Variants in MACROD2 observed in about 807,000 individuals in gnomAD.
The protein encoded by MACROD2 is ADP-ribose glycohydrolase MACROD2.
MACROD2 carries 36 observed loss-of-function variants against 70.4 expected under a neutral mutation model. The ratio of observed to expected loss-of-function variants is 0.51; its 90% CI spans 0.39 to 0.68. MACROD2 has a LOEUF of 0.68. Ranked by LOEUF, MACROD2 falls within the 30% of genes least tolerant of loss-of-function variation. MACROD2 has a pLI of 0.00. For missense variants in MACROD2, 496 were observed against 538.4 expected (o/e 0.92, Z 0.78); for synonymous variants, 172 against 178.8 (o/e 0.96, Z 0.30).
rs11473835 is a variant in MACROD2, at chr20:14,766,134, G to GGTGT, written c.418+81186_418+81189dup. 4.6e-5 allele frequency among the ~76,000 whole-genome samples: 7 copies of GGTGT among 151,290 alleles called. No individual in the cohort carries two copies. The East Asian group carries it at 7.8e-4, about 17-fold the overall frequency. ...CAGAAGACATTTTTATATTTAAAAT[G>GGTGT]GTGTGTGTGTGTGTACACTGAAGAG... is the stretch of plus-strand genomic sequence containing the variant. On this transcript the variant is annotated intron_variant, in intron 5 of 17. Transcript: ENST00000684519.
At chr20:14,172,731 T>A (rs1005692313) in intron 3 of MACROD2, among the ~76,000 whole-genome samples, 10 of 152,294 alleles carry the variant, frequency 6.6e-5, no homozygotes, top group African/African-American at 1.7e-4. Context: ...TTTCATTGTG[T>A]TTTCGTCTTA....
At chr20:14,594,893 A>G (rs1982018449) in intron 4 of MACROD2, among the ~76,000 whole-genome samples, 1 of 152,224 alleles carries the variant, frequency 6.6e-6, no homozygotes, top group Admixed American at 6.5e-5. Flanking sequence ...CTCCATCTCA[A>G]AAAACAAACA....
At chr20:16,028,924 A>G (rs1053356523) in intron 15 of MACROD2, among the ~76,000 whole-genome samples, 34 of 152,326 alleles carry the variant, frequency 2.2e-4, no homozygotes, top group Admixed American at 3.9e-4. Context: ...AAGTGTATCC[A>G]TCTGCTCGGC....
chr20:14,147,430 G>A (rs527991828), intron 3 of MACROD2, among the ~76,000 whole-genome samples: 35 of 152,104 alleles, frequency 2.3e-4, no homozygotes, highest in Non-Finnish European at 4.7e-4. Context: ...AGCACATAAA[G>A]CAGTGCCAGG....
At chr20:14,472,173 G>A (rs139239289) in intron 3 of MACROD2, among the ~76,000 whole-genome samples, 24 of 152,128 alleles carry the variant, frequency 1.6e-4, no homozygotes, top group African/African-American at 5.8e-4. Flanking sequence ...TAATAATCTA[G>A]CAACTGATTA....
intron 4 of MACROD2, among the ~76,000 whole-genome samples, chr20:14,662,324 T>C (rs1169577235): frequency 6.6e-6 from 1 of 152,058 alleles, no homozygotes; most frequent in African/African-American, 2.4e-5. Context: ...TTTCACCATA[T>C]ACAAAAATTA....
intron 8 of MACROD2, among the ~76,000 whole-genome samples, chr20:15,528,349 C>A (rs2047749518): frequency 6.6e-6 from 1 of 152,138 alleles, no homozygotes; most frequent in African/African-American, 2.4e-5. Flanking sequence ...TGGTCAGGCT[C>A]CTCTTGAACT....
At chr20:15,695,406 TTCTTC>T (rs1185438487) in intron 8 of MACROD2, among the ~76,000 whole-genome samples, 2 of 140,502 alleles carry the variant, frequency 1.4e-5, no homozygotes, top group African/African-American at 5.7e-5. Context: ...TTTTTTCTTC[TTCTTC>T]TTTTTTTTTT....
chr20:16,025,238 A>G (rs2067061365), intron 15 of MACROD2, among the ~76,000 whole-genome samples: 1 of 152,214 alleles, frequency 6.6e-6, no homozygotes. Context: ...TGGTGCTCGC[A>G]GAGTCCATTC....
At chr20:15,525,509 G>T (rs1345917035) in intron 8 of MACROD2, among the ~76,000 whole-genome samples, 1 of 152,186 alleles carries the variant, frequency 6.6e-6, no homozygotes, top group African/African-American at 2.4e-5. Flanking sequence ...AACGTGCCAT[G>T]GTGAGATTCA....
At chr20:14,775,628 G>T (rs1376903391) in intron 5 of MACROD2, among the ~76,000 whole-genome samples, 1 of 151,860 alleles carries the variant, frequency 6.6e-6, no homozygotes, top group Non-Finnish European at 1.5e-5. Context: ...ATCAACACTG[G>T]GGGTCACATT....
intron 12 of MACROD2, 90 bp from the exon 13 acceptor site, chr20:15,967,463 C>G (rs2066157860): frequency 9.4e-7 from 1 of 1,059,020 alleles, no homozygotes; most frequent in African/African-American, 1.6e-5. Flanking sequence ...TCTATTTTTC[C>G]TCAAACATAA....
In MACROD2 at chr20:15,177,222, C is replaced by T. The variant is rs117067934; in HGVS notation, c.419-52718C>T. Among the ~76,000 whole-genome samples, 740 of 152,276 alleles carry T rather than the reference C, an allele frequency of 4.9e-3. 15 individuals are homozygous for T. The East Asian group carries it at 0.069, about 14-fold the overall frequency. On this transcript the variant is annotated intron_variant, in intron 5 of 17. Transcript: ENST00000684519. ...GAGCCCAGTGGGCGTGAACAATACT[C>T]AGGCAGAAAGGTTTCTGGCTGGCAA...
intron 6 of MACROD2, among the ~76,000 whole-genome samples, chr20:15,345,910 G>A (rs1218059324): frequency 6.6e-6 from 1 of 152,098 alleles, no homozygotes; most frequent in Non-Finnish European, 1.5e-5. Context: ...AGGAGCACTT[G>A]CTTATAATAA....
At chr20:15,406,226 A>G (rs1169194597) in intron 6 of MACROD2, among the ~76,000 whole-genome samples, 1 of 152,240 alleles carries the variant, frequency 6.6e-6, no homozygotes, top group Non-Finnish European at 1.5e-5. Context: ...AAGTGAGGAT[A>G]GGATGACTAA....
At chr20:14,528,162 A>T (rs1238830349) in intron 4 of MACROD2, among the ~76,000 whole-genome samples, 6 of 147,076 alleles carry the variant, frequency 4.1e-5, no homozygotes, top group Non-Finnish European at 8.9e-5. Context: ...CAGGCTGGAG[A>T]GCAATGGCAT....
At chr20:15,066,581 A>G (rs2075577044) in intron 5 of MACROD2, among the ~76,000 whole-genome samples, 1 of 150,954 alleles carries the variant, frequency 6.6e-6, no homozygotes, top group African/African-American at 2.4e-5. Context: ...CTTCAGCTTT[A>G]AAAGTGCAGT....
intron 5 of MACROD2, among the ~76,000 whole-genome samples, chr20:15,206,979 A>G (rs906807373): frequency 6.8e-6 from 1 of 146,672 alleles, no homozygotes; most frequent in African/African-American, 2.5e-5. Context: ...CTCATGATCC[A>G]CCCGCCTCGG....
intron 8 of MACROD2, among the ~76,000 whole-genome samples, chr20:15,559,326 AATATT>A (rs1384405083): frequency 6.6e-6 from 1 of 152,176 alleles, no homozygotes; most frequent in Non-Finnish European, 1.5e-5. Context: ...GAGTGAATAA[AATATT>A]AAATAAAGAA....
Sources: allele counts gnomAD v4.1 joint callset (sites outside exome capture counted in the v4.1 genomes callset), GRCh38; gene constraint gnomAD v4.1.1; transcripts MANE v1.5; gene names NCBI Gene and HGNC (gene_info 2026-07-23, HGNC 2026-07-21).